Variants in FAM83A observed in about 807,000 individuals in gnomAD.
FAM83A encodes protein FAM83A.
FAM83A carries 21 observed loss-of-function variants against 24.4 expected under a neutral mutation model. The ratio of observed to expected loss-of-function variants is 0.86; its 90% CI spans 0.61 to 1.24. The LOEUF (loss-of-function observed/expected upper bound fraction) is 1.24, where lower values mean the gene tolerates loss of function less well. FAM83A is among the 50% of genes most tolerant of loss of function. The pLI is 0.00. For missense variants in FAM83A, 617 were observed against 579.8 expected, an observed-to-expected ratio of 1.06 and a Z score of -0.66; for synonymous variants, 270 against 252.4, an observed-to-expected ratio of 1.07 and a Z score of -0.66.
intron 3 of FAM83A, among the ~76,000 whole-genome samples, chr8:123,203,183 T>C (rs972673774): frequency 6.6e-5 from 10 of 150,862 alleles, no homozygotes; most frequent in African/African-American, 2.2e-4. Context: ...AAACTAAAAC[T>C]CTCAGTAGAT....
chr8:123,209,853 C>T lies in FAM83A; in HGVS notation c.*2165C>T, dbSNP rs573339876. On this transcript the variant is annotated 3_prime_UTR_variant, in exon 4 of 4. Coordinates refer to ENST00000690554, the Ensembl canonical transcript of FAM83A. This position sits in a 1 kb window ranked among gnomAD's most constrained non-coding sequence, Gnocchi z 4.7. ...TGCGCTGCCTGCTGGGAGGTTAGGTCGGGGCTGCCCCGGCGAGTGGAGCAT... is the reference window on the plus strand; with the variant it reads ...TGCGCTGCCTGCTGGGAGGTTAGGTTGGGGCTGCCCCGGCGAGTGGAGCAT... The T allele has an allele frequency of 1.6e-5, 6 of 366,480 alleles. No individual in the cohort carries two copies. In the South Asian group the frequency reaches 2.1e-4, roughly 13 times the overall value. 22.7% of individuals were successfully genotyped at this position (366,480 alleles called of 1,614,324 possible).
intron 3 of FAM83A, among the ~76,000 whole-genome samples, chr8:123,205,322 G>T (rs1019109915): frequency 6.6e-6 from 1 of 152,224 alleles, no homozygotes; most frequent in African/African-American, 2.4e-5. Context: ...CATGCAGCCT[G>T]ATTCAGACAA....
intron 1 of FAM83A, among the ~76,000 whole-genome samples, chr8:123,190,201 AAAAG>A (rs780494768): frequency 2.2e-4 from 33 of 152,204 alleles, no homozygotes; most frequent in African/African-American, 2.6e-4. Context: ...GAAAAGAAAG[AAAAG>A]AAAGAAAGAA....
intron 1 of FAM83A, 119 bp downstream of exon 1, chr8:123,183,455 G>A (rs920775461): frequency 1.1e-5 from 16 of 1,427,024 alleles, no homozygotes; most frequent in Admixed American, 2.4e-5. Context: ...TTGGGGCTTC[G>A]GATGGAGGGG....
At chr8:123,187,420 AGCG>A (rs1191331922) in intron 1 of FAM83A, among the ~76,000 whole-genome samples, 2 of 152,198 alleles carry the variant, frequency 1.3e-5, no homozygotes, top group Non-Finnish European at 2.9e-5. Flanking sequence ...TTCACGCAGA[AGCG>A]GCTCTGACCA....
intron 3 of FAM83A, among the ~76,000 whole-genome samples, chr8:123,198,826 C>T (rs537102135): frequency 4.4e-4 from 67 of 152,228 alleles, no homozygotes; most frequent in Non-Finnish European, 8.7e-4. Flanking sequence ...CAGCCTCAGC[C>T]TCCTGGTTCA....
At chr8:123,179,945 G>C (rs1823555706), upstream of FAM83A, 1 of 152,146 alleles carries the variant, frequency 6.6e-6, no homozygotes, top group Non-Finnish European at 1.5e-5. Context: ...CCAATCAGAG[G>C]ATCTGTAATG....
intron 1 of FAM83A, 61 bp downstream of exon 1, chr8:123,183,397 GA>G: frequency 6.4e-7 from 1 of 1,556,358 alleles, no homozygotes; most frequent in South Asian, 1.2e-5. Context: ...GGGGCTGATA[GA>G]GCAGGGAGGG....
intron 3 of FAM83A, chr8:123,199,989 C>A (rs1204769227): frequency 6.5e-6 from 1 of 154,092 alleles, no homozygotes; most frequent in Non-Finnish European, 1.5e-5. Flanking sequence ...CCACACAAGA[C>A]AGATGGGAGT....
chr8:123,182,753 G>C, exon 1 of FAM83A: 4 of 1,482,080 alleles, frequency 2.7e-6, no homozygotes, highest in South Asian at 2.7e-5. Context: ...GCGGCCTCCC[G>C]GGGGTGCGGG....
chr8:123,185,464 A>G (rs1404577790), intron 1 of FAM83A, among the ~76,000 whole-genome samples: 1 of 152,230 alleles, frequency 6.6e-6, no homozygotes, highest in Non-Finnish European at 1.5e-5. Context: ...AGGCTTCTGC[A>G]TCCACCTCTA....
At chr8:123,192,211 A>G (rs1824005706) in intron 2 of FAM83A, among the ~76,000 whole-genome samples, 1 of 152,170 alleles carries the variant, frequency 6.6e-6, no homozygotes, top group Admixed American at 6.5e-5. Flanking sequence ...GAGACTCTGC[A>G]GGATGTTTCC....
At chr8:123,186,557 C>T (rs548858516) in intron 1 of FAM83A, among the ~76,000 whole-genome samples, 1 of 152,228 alleles carries the variant, frequency 6.6e-6, no homozygotes, top group East Asian at 1.9e-4. Flanking sequence ...AGGCTGGGCA[C>T]GGTGGCTCTC....
At chr8:123,180,776 AT>A (rs1474717220), upstream of FAM83A, 1 of 152,172 alleles carries the variant, frequency 6.6e-6, no homozygotes, top group African/African-American at 2.4e-5. Flanking sequence ...CAAAAAGGCA[AT>A]GGGAGAGAGG....
chr8:123,204,810 A>C (rs1197060125), intron 3 of FAM83A, among the ~76,000 whole-genome samples: 1 of 150,944 alleles, frequency 6.6e-6, no homozygotes, highest in Non-Finnish European at 1.5e-5. Context: ...GGCTGTGATC[A>C]AAAGTATAAA....
intron 3 of FAM83A, among the ~76,000 whole-genome samples, chr8:123,197,604 T>C (rs575914995): frequency 1.3e-5 from 2 of 152,302 alleles, no homozygotes; most frequent in Admixed American, 6.5e-5. Context: ...CTTTCGGCGA[T>C]TGTGAATATT....
chr8:123,190,362 A>G (rs1006938647), intron 1 of FAM83A, among the ~76,000 whole-genome samples: 1 of 151,910 alleles, frequency 6.6e-6, no homozygotes, highest in Non-Finnish European at 1.5e-5. Flanking sequence ...CCTGGGTTCA[A>G]GCGATTCTCT....
At chr8:123,198,742 T>C (rs554248846) in intron 3 of FAM83A, among the ~76,000 whole-genome samples, 2 of 152,338 alleles carry the variant, frequency 1.3e-5, no homozygotes, top group African/African-American at 4.8e-5. Context: ...TTTGAATGTG[T>C]TAGGTCGTAC....
chr8:123,186,651 G>A (rs1470103357), intron 1 of FAM83A, among the ~76,000 whole-genome samples: 1 of 152,110 alleles, frequency 6.6e-6, no homozygotes. Context: ...CCAAGATGGT[G>A]AAACCCCGTC....
Sources: gnomAD v4.1 joint callset for allele counts (sites outside exome capture counted in the v4.1 genomes callset) on GRCh38, gnomAD v4.1.1 for gene constraint, Gnocchi (gnomAD v3.1) non-coding constraint, MANE v1.5 for transcripts, NCBI Gene and HGNC (gene_info 2026-07-23, HGNC 2026-07-21) for gene names.